The following CSMD1 variants were observed in gnomAD, a reference collection of about 807,000 sequenced individuals.
CSMD1 encodes CUB and sushi domain-containing protein 1.
A neutral mutation model predicts 417.5 loss-of-function variants in CSMD1; 213 were observed. The ratio of observed to expected loss-of-function variants is 0.51; its 90% CI spans 0.46 to 0.57. The LOEUF is 0.57. CSMD1 is among the 20% of genes least tolerant of loss of function. The pLI is 0.00. For synonymous variants in CSMD1, 2,862 were observed against 1,736.8 expected (o/e 1.65, Z -16.11); for missense variants, 6,923 against 4,529.7 (o/e 1.53, Z -15.17).
intron 2 of CSMD1, among the ~76,000 whole-genome samples, chr8:4,485,278 G>C (rs530067004): frequency 6.4e-4 from 98 of 152,290 alleles, no homozygotes; most frequent in Middle Eastern, 3.4e-3. Flanking sequence ...TGGAACGCCT[G>C]TCAGCTGAGA....
rs936665932 is a variant in CSMD1, at chr8:3,292,247, C to T, written c.3951-7901G>A. On this transcript the variant is annotated intron_variant, in intron 25 of 69. Coordinates refer to ENST00000635120, the MANE Select transcript of CSMD1 (RefSeq NM_033225.6). ...TTGCTGAGGAGTGCTTTACTTCCAACTATGTGGTCAGTTTTGGAGTAGGTG... is the reference window on the plus strand; with the variant it reads ...TTGCTGAGGAGTGCTTTACTTCCAATTATGTGGTCAGTTTTGGAGTAGGTG... Among the ~76,000 whole-genome samples the T allele has an allele frequency of 2.6e-5, 4 of 152,078 alleles. No homozygotes were observed. The East Asian group carries it at 5.8e-4, about 22-fold the overall frequency.
At chr8:4,119,629 C>G (rs564352873) in intron 3 of CSMD1, among the ~76,000 whole-genome samples, 13 of 152,088 alleles carry the variant, frequency 8.5e-5, no homozygotes, top group African/African-American at 3.1e-4. Context: ...TCTGTCTGTG[C>G]TCTGTGAGGA....
Position 3,323,400 on chromosome 8 carries a change from C to G in CSMD1, c.3632-14897G>C, listed in dbSNP as rs187719391. Among the ~76,000 whole-genome samples, 628 of 152,084 alleles carry G rather than the reference C, an allele frequency of 4.1e-3. 2 individuals are homozygous for G. The highest frequency in any genetic ancestry group is 5.7e-3 in the Non-Finnish European group (390 of 67,996). The stretch of plus-strand genomic sequence containing the variant: ...AATAATCTACCCTTCCCCATTTTCC[C>G]AAGTCACTAATAGTCATCAAAGCCA... On this transcript the variant is annotated intron_variant, in intron 23 of 69. Transcript: ENST00000635120.
chr8:3,953,591 G>A (rs939587557), intron 5 of CSMD1, among the ~76,000 whole-genome samples: 1 of 152,038 alleles, frequency 6.6e-6, no homozygotes, highest in Non-Finnish European at 1.5e-5. Context: ...TATTAAAGTG[G>A]GTCACTGCGC....
At chr8:3,241,250 G>C (rs1427470239) in intron 26 of CSMD1, among the ~76,000 whole-genome samples, 1 of 150,282 alleles carries the variant, frequency 6.7e-6, no homozygotes, top group Non-Finnish European at 1.5e-5. Context: ...TATTGTCTAA[G>C]CTGGCACCAG....
intron 3 of CSMD1, among the ~76,000 whole-genome samples, chr8:4,066,244 C>CCATTGCAA (rs1799241734): frequency 6.6e-6 from 1 of 152,222 alleles, no homozygotes; most frequent in Non-Finnish European, 1.5e-5. Context: ...TCTTTGTCTC[C>CCATTGCAA]TGTTCCCACT....
chr8:4,104,151 G>A (rs763196497), intron 3 of CSMD1, among the ~76,000 whole-genome samples: 2 of 152,232 alleles, frequency 1.3e-5, no homozygotes, highest in African/African-American at 4.8e-5. Context: ...GTCTGCAGCA[G>A]TTACTGTCCT....
intron 7 of CSMD1, among the ~76,000 whole-genome samples, chr8:3,672,879 C>T (rs1050369683): frequency 6.6e-6 from 1 of 152,176 alleles, no homozygotes; most frequent in Non-Finnish European, 1.5e-5. Flanking sequence ...GTTTTTCAAT[C>T]CATGAAAATC....
chr8:4,759,912 C>T (rs1257460805), intron 1 of CSMD1, among the ~76,000 whole-genome samples: 3 of 152,158 alleles, frequency 2.0e-5, no homozygotes, highest in African/African-American at 7.2e-5. Flanking sequence ...ACTTATATTT[C>T]TTTGGGTATA....
chr8:4,726,437 T>C (rs1054601544), intron 1 of CSMD1, among the ~76,000 whole-genome samples: 1 of 152,212 alleles, frequency 6.6e-6, no homozygotes, highest in Admixed American at 6.5e-5. Flanking sequence ...TTGTTTTTAA[T>C]ACTCCAGCTC....
chr8:4,323,761 T>A (rs970060446), intron 3 of CSMD1, among the ~76,000 whole-genome samples: 3 of 152,034 alleles, frequency 2.0e-5, no homozygotes, highest in Admixed American at 6.6e-5. Context: ...TATCCCCCCC[T>A]TCCCCTGGCC....
At chr8:4,136,996 T>C (rs1185034833) in intron 3 of CSMD1, among the ~76,000 whole-genome samples, 1 of 152,184 alleles carries the variant, frequency 6.6e-6, no homozygotes, top group Non-Finnish European at 1.5e-5. Context: ...GTGGGCACAG[T>C]GAGAAACCAA....
rs74599098 is a variant in CSMD1, at chr8:4,424,652, G to A, written c.303-4587C>T. Among the ~76,000 whole-genome samples, 877 of 152,120 alleles carry A rather than the reference G, an allele frequency of 5.8e-3. 4 individuals carry two copies. The highest frequency in any genetic ancestry group is 0.02 in the African/African-American group (814 of 41,506). On this transcript the variant is annotated intron_variant, in intron 2 of 69. Transcript: ENST00000635120. ...CTGTAGAAAACAGAAAACTTCCGAAGAAGTTTGACATTTCCTTTAAAAACG... is the reference window on the plus strand; with the variant it reads ...CTGTAGAAAACAGAAAACTTCCGAAAAAGTTTGACATTTCCTTTAAAAACG...
chr8:4,454,999 T>A (rs556654936), intron 2 of CSMD1, among the ~76,000 whole-genome samples: 2 of 152,210 alleles, frequency 1.3e-5, no homozygotes, highest in African/African-American at 4.8e-5. Context: ...GAAGGGCTCC[T>A]GTGTGTTGCT....
chr8:4,168,459 T>C (rs1021719721), intron 3 of CSMD1, among the ~76,000 whole-genome samples: 2 of 152,046 alleles, frequency 1.3e-5, no homozygotes, highest in African/African-American at 2.4e-5. Context: ...ATAACGTATT[T>C]TTAGAAAAGG....
intron 1 of CSMD1, among the ~76,000 whole-genome samples, chr8:4,700,617 A>G (rs1807464259): frequency 6.6e-6 from 1 of 152,202 alleles, no homozygotes; most frequent in Non-Finnish European, 1.5e-5. Context: ...ATTAACAGAA[A>G]CAACTGACTC....
Position 3,546,700 on chromosome 8 carries a change from C to T in CSMD1, c.1344+28245G>A, listed in dbSNP as rs564010306. On this transcript the variant is annotated intron_variant, in intron 10 of 69. Transcript: ENST00000635120. Reference sequence around the variant, plus strand: ...TTGTATAAACAGCTGGACAAATCTTCAATCAATGTAGGAATTACTGAAGAT... The same window carrying T: ...TTGTATAAACAGCTGGACAAATCTTTAATCAATGTAGGAATTACTGAAGAT... 7.9e-5 allele frequency among the ~76,000 whole-genome samples: 12 copies of T among 152,236 alleles called. 1 individual carries two copies. Among genetic ancestry groups the T allele is most frequent in the African/African-American group, 2.9e-4 (12 of 41,542 alleles).
chr8:4,060,540 G>T (rs1165273569), intron 3 of CSMD1, among the ~76,000 whole-genome samples: 1 of 152,136 alleles, frequency 6.6e-6, no homozygotes, highest in Non-Finnish European at 1.5e-5. Context: ...AAGGAGTGTG[G>T]CCTCTGCAAT....
chr8:4,014,446 G>A (rs1163661482), intron 4 of CSMD1, among the ~76,000 whole-genome samples: 2 of 152,122 alleles, frequency 1.3e-5, no homozygotes, highest in African/African-American at 2.4e-5. Context: ...TCTCTGTTCT[G>A]TGACTTCAGC....
Sources: allele counts gnomAD v4.1 joint callset (sites outside exome capture counted in the v4.1 genomes callset), GRCh38; gene constraint gnomAD v4.1.1; transcripts MANE v1.5; gene names NCBI Gene and HGNC (gene_info 2026-07-23, HGNC 2026-07-21).